The following GLIS1 variants were observed in gnomAD, a reference collection of about 807,000 sequenced individuals.
GLIS1 encodes zinc finger protein GLIS1.
GLIS1 carries 24 observed loss-of-function variants against 63.8 expected under a neutral mutation model. The observed-to-expected ratio is 0.38, with a 90% CI of 0.27 to 0.53. The LOEUF (loss-of-function observed/expected upper bound fraction) is 0.53. GLIS1 is among the 20% of genes least tolerant of loss of function. GLIS1 has a pLI of 0.85. For synonymous variants in GLIS1, 450 were observed against 482.5 expected (o/e 0.93, Z 0.88); for missense variants, 1,036 against 1,074.1 (o/e 0.96, Z 0.50).
intron 2 of GLIS1, among the ~76,000 whole-genome samples, chr1:53,674,242 T>C (rs990438851): frequency 6.6e-6 from 1 of 150,846 alleles, no homozygotes; most frequent in South Asian, 2.1e-4. Context: ...CAAATACCTG[T>C]GTGAGAGTGG....
intron 2 of GLIS1, among the ~76,000 whole-genome samples, chr1:53,622,792 G>A (rs1645559408): frequency 6.6e-6 from 1 of 152,196 alleles, no homozygotes; most frequent in Non-Finnish European, 1.5e-5. Flanking sequence ...CCTTGATTTT[G>A]GACTTCTGGC....
rs374669893 is a variant in GLIS1 at position 53,545,829 on chromosome 1, T to C, written c.1321-15877A>G. 2.0e-5 allele frequency among the ~76,000 whole-genome samples: 3 copies of C among 152,254 alleles called. No individual in the cohort carries two copies. The South Asian group carries it at 6.2e-4, about 32-fold the overall frequency. ...TCTTGCCTAGTGCTACGTGTGCCCT[T>C]GCGTGAGTCGCTGCAGAGGGCGGGA... On this transcript the variant is annotated intron_variant, in intron 4 of 10. Transcript: ENST00000628545.
intron 2 of GLIS1, among the ~76,000 whole-genome samples, chr1:53,618,351 T>C (rs1645504752): frequency 6.6e-6 from 1 of 152,234 alleles, no homozygotes; most frequent in African/African-American, 2.4e-5. Flanking sequence ...GCTAGAAAGA[T>C]GAGAGATAAG....
chr1:53,589,459 G>T (rs1465606725), intron 4 of GLIS1, among the ~76,000 whole-genome samples: 1 of 152,216 alleles, frequency 6.6e-6, no homozygotes, highest in Non-Finnish European at 1.5e-5. Context: ...GAAGCCCCAG[G>T]ATTATGGGGA....
intron 4 of GLIS1, among the ~76,000 whole-genome samples, chr1:53,559,694 C>T (rs889455180): frequency 2.0e-5 from 3 of 152,182 alleles, no homozygotes; most frequent in African/African-American, 4.8e-5. Flanking sequence ...CCCCACACGC[C>T]CTGCACCCCC....
At chr1:53,571,551 A>C (rs1417765392) in intron 4 of GLIS1, among the ~76,000 whole-genome samples, 2 of 152,118 alleles carry the variant, frequency 1.3e-5, no homozygotes, top group East Asian at 1.9e-4. Flanking sequence ...AAATGAATGA[A>C]TTATAGCTGC....
At chr1:53,592,577 C>T (rs1300257050) in intron 4 of GLIS1, among the ~76,000 whole-genome samples, 2 of 152,316 alleles carry the variant, frequency 1.3e-5, no homozygotes, top group South Asian at 4.1e-4. Flanking sequence ...TTGGTCAACT[C>T]CTAGGCAGGG....
chr1:53,692,479 C>T (rs1646416840), intron 2 of GLIS1, among the ~76,000 whole-genome samples: 1 of 152,256 alleles, frequency 6.6e-6, no homozygotes, highest in South Asian at 2.1e-4. Flanking sequence ...GTGTGCTTTA[C>T]ACACATTAAT....
intron 4 of GLIS1, among the ~76,000 whole-genome samples, chr1:53,579,640 C>T (rs976002221): frequency 6.6e-6 from 1 of 152,234 alleles, no homozygotes; most frequent in Non-Finnish European, 1.5e-5. Flanking sequence ...GGAAGCAGCC[C>T]TCACTCCTCA....
chr1:53,711,153 G>A (rs542717248), intron 2 of GLIS1, among the ~76,000 whole-genome samples: 3 of 152,216 alleles, frequency 2.0e-5, no homozygotes, highest in East Asian at 1.9e-4. Flanking sequence ...ACACAGAACC[G>A]ACCTTCGGAC....
At chr1:53,547,299 G>A (rs1644711486) in intron 4 of GLIS1, among the ~76,000 whole-genome samples, 1 of 152,262 alleles carries the variant, frequency 6.6e-6, no homozygotes, top group South Asian at 2.1e-4. Flanking sequence ...TCCCAGCCCA[G>A]TGCCCTCTGA....
chr1:53,599,419 G>A (rs973630572), intron 3 of GLIS1, among the ~76,000 whole-genome samples: 3 of 152,170 alleles, frequency 2.0e-5, no homozygotes, highest in Non-Finnish European at 2.9e-5. Flanking sequence ...GCGCCACCTC[G>A]GGACTCTGCA....
At chr1:53,709,864 G>A (rs897537930) in intron 2 of GLIS1, among the ~76,000 whole-genome samples, 1 of 152,226 alleles carries the variant, frequency 6.6e-6, no homozygotes, top group Non-Finnish European at 1.5e-5. Context: ...TGAAGACAGA[G>A]TGGACAGCTG....
In GLIS1 at chr1:53,541,982, AG is replaced by A. The variant is rs60871042; in HGVS notation, c.1321-12031del. Among the ~76,000 whole-genome samples, 853 of 152,322 alleles carry A rather than the reference AG, an allele frequency of 5.6e-3. 8 individuals are homozygous for A. The highest frequency in any genetic ancestry group is 0.019 in the African/African-American group (806 of 41,584). ...TGGCACCTGGGTGATCACTCACCAA[AG>A]CTAAGGAAGGGGGAGGGCCACAGCC... On this transcript the variant is annotated intron_variant, in intron 4 of 10. Coordinates refer to ENST00000628545, the MANE Select transcript of GLIS1 (RefSeq NM_001367484.1).
At position 53,539,951 on chromosome 1, in the gene GLIS1, C is replaced by A. The variant is rs972991955; in HGVS notation, c.1321-9999G>T. On this transcript the variant is annotated intron_variant, in intron 4 of 10. Coordinates refer to ENST00000628545, the MANE Select transcript of GLIS1 (RefSeq NM_001367484.1). This position sits in a 1 kb window ranked among gnomAD's most constrained non-coding sequence, Gnocchi z 5.0. Reference sequence around the variant, plus strand: ...TGCAGCCACAGGCCACACATTGCCGCCTCCACGCCTTTGCCCATGCGGTGT... The same window carrying A: ...TGCAGCCACAGGCCACACATTGCCGACTCCACGCCTTTGCCCATGCGGTGT... Among the ~76,000 whole-genome samples the A allele has an allele frequency of 6.6e-6, 1 of 152,212 alleles. No homozygotes were observed. The highest frequency in any genetic ancestry group is 2.4e-5 in the African/African-American group (1 of 41,448).
chr1:53,672,117 T>G (rs899848783), intron 2 of GLIS1, among the ~76,000 whole-genome samples: 7 of 152,286 alleles, frequency 4.6e-5, no homozygotes, highest in Middle Eastern at 6.8e-3. Flanking sequence ...CAAGCAGCCC[T>G]GAACCCATCC....
intron 2 of GLIS1, among the ~76,000 whole-genome samples, chr1:53,633,280 G>C (rs1645686803): frequency 6.7e-6 from 1 of 149,620 alleles, no homozygotes; most frequent in South Asian, 2.2e-4. Flanking sequence ...GGGTGTGAAT[G>C]AGTGTGGCTG....
At chr1:53,716,151 G>A (rs750673567) in intron 2 of GLIS1, among the ~76,000 whole-genome samples, 2 of 152,150 alleles carry the variant, frequency 1.3e-5, no homozygotes, top group Non-Finnish European at 2.9e-5. Context: ...GAGAGTACTC[G>A]CCAGAGCTCT....
At chr1:53,518,223 C>T (rs549211913) in intron 7 of GLIS1, among the ~76,000 whole-genome samples, 3 of 152,336 alleles carry the variant, frequency 2.0e-5, no homozygotes, top group African/African-American at 7.2e-5. Context: ...GCCTGGCAGA[C>T]AGCAGGTGCT....
Sources: allele counts gnomAD v4.1 joint callset (sites outside exome capture counted in the v4.1 genomes callset), GRCh38; gene constraint gnomAD v4.1.1; non-coding constraint Gnocchi (gnomAD v3.1); transcripts MANE v1.5; gene names NCBI Gene and HGNC (gene_info 2026-07-23, HGNC 2026-07-21).